Variants in MAP6 observed in about 807,000 individuals in gnomAD.
MAP6 encodes the protein microtubule-associated protein 6.
Under a neutral mutation model 42.4 loss-of-function variants are expected in MAP6, and 26 were observed. That is an observed-to-expected ratio of 0.61 (90% CI 0.45 to 0.85). MAP6 has a LOEUF of 0.85. Ranked by LOEUF, MAP6 falls within the 40% of genes least tolerant of loss-of-function variation. The pLI, the probability that MAP6 is intolerant of heterozygous loss-of-function variation, is 0.00. For missense variants in MAP6, 966 were observed against 1,099.0 expected (o/e 0.88, Z 1.71); for synonymous variants, 418 against 443.8 (o/e 0.94, Z 0.73).
chr11:75,651,505 T>C (rs985350728), intron 1 of MAP6, among the ~76,000 whole-genome samples: 7 of 152,126 alleles, frequency 4.6e-5, no homozygotes, highest in African/African-American at 7.2e-5. Flanking sequence ...TACCTTTTAA[T>C]ACCATTTATC....
In MAP6 at chr11:75,620,997, G is replaced by A. The variant is rs374790196; in HGVS notation, c.906-12675C>T. On this transcript the variant is annotated intron_variant, in intron 1 of 3. Transcript: ENST00000304771. The stretch of plus-strand genomic sequence containing the variant: ...ATACAAAAAATTAGCCGGGCGTGGT[G>A]GTGGGTGCCTGTAGTCCCAGCTACT... 2.6e-3 allele frequency among the ~76,000 whole-genome samples: 396 copies of A among 152,168 alleles called. 2 individuals carry two copies. Among genetic ancestry groups the A allele is most frequent in the African/African-American group, 9.3e-3 (385 of 41,520 alleles).
At chr11:75,617,385 G>A (rs1043550926) in intron 1 of MAP6, among the ~76,000 whole-genome samples, 4 of 151,686 alleles carry the variant, frequency 2.6e-5, no homozygotes, top group Non-Finnish European at 4.4e-5. Context: ...GTGTGGTGGC[G>A]GGTGCTTGTA....
At chr11:75,621,108 G>A (rs1018567203) in intron 1 of MAP6, among the ~76,000 whole-genome samples, 3 of 151,460 alleles carry the variant, frequency 2.0e-5, no homozygotes, top group Non-Finnish European at 4.4e-5. Context: ...TCCAGCCTGG[G>A]TGACAGAGTG....
intron 1 of MAP6, among the ~76,000 whole-genome samples, chr11:75,641,127 A>C (rs1943462741): frequency 6.6e-6 from 1 of 152,190 alleles, no homozygotes; most frequent in Non-Finnish European, 1.5e-5. Context: ...AATGTGGCAC[A>C]TATACACCAT....
At chr11:75,633,934 C>G (rs563909711) in intron 1 of MAP6, among the ~76,000 whole-genome samples, 1 of 152,202 alleles carries the variant, frequency 6.6e-6, no homozygotes, top group Non-Finnish European at 1.5e-5. Flanking sequence ...CCTGATGTAG[C>G]TCCGAGTGGC....
intron 1 of MAP6, among the ~76,000 whole-genome samples, chr11:75,625,934 A>G (rs1332226672): frequency 6.6e-6 from 1 of 152,090 alleles, no homozygotes; most frequent in Non-Finnish European, 1.5e-5. Context: ...CTGTAGGCCC[A>G]TTGCCTCCCA....
chr11:75,597,661 CG>C (rs2135577421), intron 3 of MAP6, among the ~76,000 whole-genome samples: 1 of 152,302 alleles, frequency 6.6e-6, no homozygotes, highest in Admixed American at 6.5e-5. Flanking sequence ...AGCAAAGGAT[CG>C]GATCTTGAGC....
At position 75,587,423 on chromosome 11, in the gene MAP6, A is replaced by C. The variant is rs61895095; in HGVS notation, c.2078T>G (p.Val693Gly). The part of the protein sequence containing the change: ...QDVVVPEHAK[V>G]HDSAVVAPVK... ...AGGTGCCACAACTGCAGAATCGTGA[A>C]CCTTTGCATGCTCTGGGACTACAAC... Residue 693 changes from valine (V) to glycine (G), a missense_variant, in exon 4 of 4, where the codon GTT becomes GGT. Physicochemically the swap from Val to Gly is moderately radical, Grantham distance 109. Around this residue, in one of 2 missense-constraint regions of MAP6, gnomAD observed 943 missense variants for 1,049.9 expected, o/e 0.90. Coordinates refer to ENST00000304771, the MANE Select transcript of MAP6 (RefSeq NM_033063.2). 66,337 of 1,613,936 alleles carry C rather than the reference A, an allele frequency of 0.041. 1,533 individuals carry two copies. The highest frequency in any genetic ancestry group is 0.045 in the Non-Finnish European group (53,039 of 1,179,976).
In MAP6 at chr11:75,648,074, T is replaced by C. The variant is rs148898521; in HGVS notation, c.905+19391A>G. Among the ~76,000 whole-genome samples the C allele has an allele frequency of 6.5e-3, 989 of 152,200 alleles. 7 individuals carry two copies. The highest frequency in any genetic ancestry group is 0.021 in the South Asian group (103 of 4,828). On this transcript the variant is annotated intron_variant, in intron 1 of 3. Transcript: ENST00000304771. The stretch of plus-strand genomic sequence containing the variant: ...AAAAAAGAATTACCTGTCAGACAAA[T>C]AACGGATTTGGGATACTTGACTTCC...
intron 1 of MAP6, among the ~76,000 whole-genome samples, chr11:75,666,823 C>T (rs779865355): frequency 3.7e-4 from 56 of 152,198 alleles, no homozygotes; most frequent in Admixed American, 8.5e-4. Flanking sequence ...CAGATAAGAA[C>T]ATGAGGCCCA....
At chr11:75,606,134 T>C (rs1004954398) in intron 2 of MAP6, 130 bp from the exon 3 acceptor site, 4 of 1,051,730 alleles carry the variant, frequency 3.8e-6, no homozygotes, top group South Asian at 1.6e-5. Flanking sequence ...TGGAGCACAG[T>C]GCATAAGGTG....
In MAP6 at chr11:75,608,123, T is replaced by C. The variant is rs2135590175; in HGVS notation, c.1105A>G (p.Lys369Glu). ...RIRSLYSEPF[K>E]EPPKVEKPSV... ...GTCTGTCTCACCTTTGGGGGTTCCTTGAAGGGTTCGCTGTAGAGGCTGCGT... is the reference window on the plus strand; with the variant it reads ...GTCTGTCTCACCTTTGGGGGTTCCTCGAAGGGTTCGCTGTAGAGGCTGCGT... The change falls in exon 2 of 4, where the codon AAG becomes GAG. Residue 369 changes from lysine (K) to glutamate (E), a missense_variant. Lys to Glu is a moderately conservative substitution (Grantham distance 56). Around this residue, in one of 2 missense-constraint regions of MAP6, gnomAD observed 943 missense variants for 1,049.9 expected, o/e 0.90. Coordinates refer to ENST00000304771, the MANE Select transcript of MAP6 (RefSeq NM_033063.2). The C allele has an allele frequency of 1.2e-6, 2 of 1,613,904 alleles. No homozygotes were observed. The highest frequency in any genetic ancestry group is 1.7e-6 in the Non-Finnish European group (2 of 1,180,018).
intron 3 of MAP6, among the ~76,000 whole-genome samples, chr11:75,593,177 G>C (rs1037708147): frequency 6.6e-6 from 1 of 152,226 alleles, no homozygotes; most frequent in African/African-American, 2.4e-5. Flanking sequence ...CCAGAGGGCA[G>C]GGACCATGTC....
chr11:75,662,750 T>TCA (rs1360430676), intron 1 of MAP6, among the ~76,000 whole-genome samples: 1 of 152,192 alleles, frequency 6.6e-6, no homozygotes, highest in Non-Finnish European at 1.5e-5. Flanking sequence ...AAAACTTGGT[T>TCA]GCCCAGGCTA....
At chr11:75,620,668 A>G (rs144101907) in intron 1 of MAP6, among the ~76,000 whole-genome samples, 6 of 152,282 alleles carry the variant, frequency 3.9e-5, no homozygotes, top group East Asian at 1.9e-4. Flanking sequence ...TTAAAAAAAT[A>G]TTTGCAAATC....
intron 1 of MAP6, among the ~76,000 whole-genome samples, chr11:75,618,718 G>T (rs1451080927): frequency 1.3e-5 from 2 of 152,226 alleles, no homozygotes; most frequent in African/African-American, 4.8e-5. Flanking sequence ...CTCCCTGACA[G>T]TCGAGACCGG....
Position 75,587,846 on chromosome 11 carries a change from C to G in MAP6, c.1655G>C (p.Gly552Ala). The change falls in exon 4 of 4, where the codon GGC becomes GCC. Residue 552 changes from glycine to alanine, a missense_variant. Physicochemically the swap from Gly to Ala is moderately conservative, Grantham distance 60. Transcript: ENST00000304771. ...CTTTAGAGACTCTGGTACCACAGAG[C>G]CTTGATCCTTAACTTTTGCTGGAAC... ...PMVPAKVKDQ[G>A]SVVPESLKDQ... 6.2e-7 allele frequency: 1 copy of G among 1,614,168 alleles called. No individual in the cohort carries two copies. The highest frequency in any genetic ancestry group is 1.7e-5 in the Admixed American group (1 of 60,024).
intron 1 of MAP6, among the ~76,000 whole-genome samples, chr11:75,640,758 G>A (rs1943453482): frequency 6.6e-6 from 1 of 152,188 alleles, no homozygotes; most frequent in Non-Finnish European, 1.5e-5. Context: ...GGCCATCAGA[G>A]AAATGCAAAT....
intron 3 of MAP6, chr11:75,603,976 T>C: frequency 1.0e-6 from 1 of 985,856 alleles, no homozygotes; most frequent in Non-Finnish European, 1.2e-6. Flanking sequence ...AGCTTTCTGC[T>C]AAATGTTAAG....
Sources: gnomAD v4.1 joint callset for allele counts (sites outside exome capture counted in the v4.1 genomes callset) on GRCh38, gnomAD v4.1.1 for gene constraint, gnomAD v4.1.1 regional missense constraint, MANE v1.5 for transcripts, NCBI Gene and HGNC (gene_info 2026-07-23, HGNC 2026-07-21) for gene names.